Variants in COL22A1 observed in about 807,000 individuals in gnomAD.
COL22A1 encodes the protein collagen type XXII alpha 1 chain, also known as collagen alpha-1(XXII) chain.
COL22A1 carries 221 observed loss-of-function variants against 248.9 expected under a neutral mutation model. The observed-to-expected ratio is 0.89, with a 90% CI of 0.80 to 0.99. The LOEUF is 0.99. Ranked by LOEUF, COL22A1 falls within the 50% of genes least tolerant of loss-of-function variation. The pLI, the probability that COL22A1 is intolerant of heterozygous loss-of-function variation, is 0.00. For missense variants in COL22A1, 2,240 were observed against 2,179.0 expected, an observed-to-expected ratio of 1.03 and a Z score of -0.56; for synonymous variants, 891 against 793.4, an observed-to-expected ratio of 1.12 and a Z score of -2.07.
intron 25 of COL22A1, among the ~76,000 whole-genome samples, chr8:138,722,482 T>A (rs1016002163): frequency 6.6e-5 from 10 of 152,190 alleles, no homozygotes; most frequent in African/African-American, 2.4e-4. Flanking sequence ...CCATCTTGTA[T>A]CTTCCTTCCC....
chr8:138,815,765 G>A (rs544216186), intron 7 of COL22A1, among the ~76,000 whole-genome samples: 2 of 152,192 alleles, frequency 1.3e-5, no homozygotes, highest in Non-Finnish European at 2.9e-5. Context: ...CTGGGTGGAC[G>A]AGTGGATGAA....
At chr8:138,661,933 G>A in intron 43 of COL22A1, 97 bp downstream of exon 43, 3 of 844,704 alleles carry the variant, frequency 3.6e-6, no homozygotes, top group Non-Finnish European at 5.5e-6. Context: ...TACAAAGTTG[G>A]CCACATGGTC....
intron 1 of COL22A1, among the ~76,000 whole-genome samples, chr8:138,884,112 C>A (rs903278824): frequency 1.3e-5 from 2 of 152,190 alleles, no homozygotes; most frequent in African/African-American, 4.8e-5. Context: ...ATCCCCACAC[C>A]CACCCTGGGA....
intron 3 of COL22A1, among the ~76,000 whole-genome samples, chr8:138,844,719 G>T (rs1821112100): frequency 6.6e-6 from 1 of 152,188 alleles, no homozygotes; most frequent in South Asian, 2.1e-4. Flanking sequence ...GGGAGGCCGA[G>T]GCGGGCGGAT....
rs78856104 is a variant in COL22A1, at chr8:138,852,650, A to G, written c.659-8492T>C. On this transcript the variant is annotated intron_variant, in intron 3 of 64. Transcript: ENST00000303045. ...CATTCAGTGATGAATGAGAGAGAGGAGAGATGTCTGCAAATTAGGCCCTCA... is the reference window on the plus strand; with the variant it reads ...CATTCAGTGATGAATGAGAGAGAGGGGAGATGTCTGCAAATTAGGCCCTCA... Among the ~76,000 whole-genome samples the G allele has an allele frequency of 1.9e-4, 29 of 152,218 alleles. No individual in the cohort carries two copies. In the East Asian group the frequency reaches 5.2e-3, roughly 27 times the overall value.
intron 56 of COL22A1, among the ~76,000 whole-genome samples, chr8:138,610,602 C>T (rs572050759): frequency 1.3e-5 from 2 of 152,310 alleles, no homozygotes; most frequent in African/African-American, 4.8e-5. Context: ...ATGATGTACC[C>T]GAGAATTGAT....
intron 3 of COL22A1, among the ~76,000 whole-genome samples, chr8:138,848,642 A>G (rs1821420090): frequency 6.6e-6 from 1 of 152,180 alleles, no homozygotes; most frequent in Admixed American, 6.5e-5. Context: ...CGGAGGGTAC[A>G]TGCAATTATT....
chr8:138,905,349 A>G (rs1453537735), intron 1 of COL22A1, among the ~76,000 whole-genome samples: 2 of 152,192 alleles, frequency 1.3e-5, no homozygotes, highest in Non-Finnish European at 2.9e-5. Flanking sequence ...CTACTTTGCA[A>G]GACGGTAAGT....
At position 138,739,331 on chromosome 8, in the gene COL22A1, T is replaced by C. The variant is rs538088976; in HGVS notation, c.2086-1754A>G. ...CAAACTGAAGGTCTGTCCACTGGCG[T>C]TTCCTTCTGCCTGGGTTTGTTCCCC... On this transcript the variant is annotated intron_variant, in intron 22 of 64. Transcript: ENST00000303045. Among the ~76,000 whole-genome samples the C allele has an allele frequency of 1.2e-4, 18 of 152,282 alleles. No homozygotes were observed. In the South Asian group the frequency reaches 2.3e-3, roughly 19 times the overall value.
At chr8:138,821,478 A>G in intron 6 of COL22A1, 67 bp from the exon 7 acceptor site, 1 of 1,514,800 alleles carries the variant, frequency 6.6e-7, no homozygotes, top group Non-Finnish European at 9.1e-7. Flanking sequence ...AGAATGGGAA[A>G]CGGGAGTTCA....
At chr8:138,815,098 T>A (rs1402560882) in intron 7 of COL22A1, among the ~76,000 whole-genome samples, 2 of 152,226 alleles carry the variant, frequency 1.3e-5, no homozygotes, top group Non-Finnish European at 2.9e-5. Context: ...ATGTAAGATG[T>A]GACTTTGCTC....
At chr8:138,836,734 A>C (rs955578784) in intron 4 of COL22A1, among the ~76,000 whole-genome samples, 1 of 152,224 alleles carries the variant, frequency 6.6e-6, no homozygotes, top group Non-Finnish European at 1.5e-5. Flanking sequence ...ACTGTTGATC[A>C]TATTTCCCCC....
chr8:138,739,330 G>A (rs138081589), intron 22 of COL22A1, among the ~76,000 whole-genome samples: 8 of 152,140 alleles, frequency 5.3e-5, no homozygotes, highest in South Asian at 2.1e-4. Flanking sequence ...GTCCACTGGC[G>A]TTTCCTTCTG....
In COL22A1 at chr8:138,688,975, G is replaced by A; in HGVS notation, c.2809-5C>T. ...GCCTCTGAGGCCGGGAGCACCCTGT[G>A]GCAAGGAAGATTACGGACATGGTGA... On this transcript the variant is annotated splice_polypyrimidine_tract_variant and splice_region_variant and intron_variant, in intron 36 of 64. Transcript: ENST00000303045. 6.2e-7 allele frequency: 1 copy of A among 1,611,906 alleles called. No homozygotes were observed. Among genetic ancestry groups the A allele is most frequent in the Non-Finnish European group, 8.5e-7 (1 of 1,178,074 alleles).
At chr8:138,750,538 C>T (rs148398826) in intron 22 of COL22A1, among the ~76,000 whole-genome samples, 15 of 152,212 alleles carry the variant, frequency 9.9e-5, no homozygotes, top group Middle Eastern at 3.4e-3. Context: ...GCACTATCCA[C>T]GTCACTGAGC....
At chr8:138,834,773 A>T (rs1176433770) in intron 4 of COL22A1, among the ~76,000 whole-genome samples, 1 of 152,184 alleles carries the variant, frequency 6.6e-6, no homozygotes, top group East Asian at 1.9e-4. Context: ...TTCTCATCAC[A>T]ATTACAGCAT....
chr8:138,780,212 G>C (rs990080754), intron 13 of COL22A1, among the ~76,000 whole-genome samples: 1 of 152,202 alleles, frequency 6.6e-6, no homozygotes, highest in Non-Finnish European at 1.5e-5. Context: ...GGAGTGAGAA[G>C]AGAGTCTAGG....
chr8:138,705,245 A>T (rs1828325487), intron 30 of COL22A1, among the ~76,000 whole-genome samples: 2 of 152,220 alleles, frequency 1.3e-5, no homozygotes, highest in Non-Finnish European at 2.9e-5. Flanking sequence ...CAACTTAGCG[A>T]GGCAGGCCAA....
intron 5 of COL22A1, chr8:138,827,114 G>C (rs1339329351): frequency 3.1e-6 from 1 of 319,318 alleles, no homozygotes; most frequent in Non-Finnish European, 6.1e-6. Context: ...CAAATATGGA[G>C]AGACACCCAG....
Sources: gnomAD v4.1 joint callset for allele counts (sites outside exome capture counted in the v4.1 genomes callset) on GRCh38, gnomAD v4.1.1 for gene constraint, MANE v1.5 for transcripts, NCBI Gene and HGNC (gene_info 2026-07-23, HGNC 2026-07-21) for gene names.